EPB41L4B: variants seen among roughly 807,000 people sequenced by gnomAD.
EPB41L4B encodes band 4.1-like protein 4B.
EPB41L4B carries 30 observed loss-of-function variants against 112.5 expected under a neutral mutation model. The ratio of observed to expected loss-of-function variants is 0.27; its 90% CI spans 0.20 to 0.36. The LOEUF (loss-of-function observed/expected upper bound fraction) is 0.36. EPB41L4B is among the 10% of genes least tolerant of loss of function. The pLI is 1.00. For missense variants in EPB41L4B, 1,024 were observed against 1,133.3 expected (o/e 0.90, Z 1.38); for synonymous variants, 408 against 439.7 (o/e 0.93, Z 0.90).
rs1244172949 is a variant in EPB41L4B at position 109,228,220 on chromosome 9, A to G, written c.1410-11075T>C. Among the ~76,000 whole-genome samples the G allele has an allele frequency of 2.0e-5, 3 of 152,336 alleles. No individual in the cohort carries two copies. The East Asian group carries it at 5.8e-4, about 29-fold the overall frequency. Reference sequence around the variant, plus strand: ...ACAGTTCTTCCACTCTTAGCTTACTAAAAATCTTGAAAGATTAGCATGACT... The same window carrying G: ...ACAGTTCTTCCACTCTTAGCTTACTGAAAATCTTGAAAGATTAGCATGACT... On this transcript the variant is annotated intron_variant, in intron 15 of 25. Transcript: ENST00000374566.
chr9:109,186,199 CTT>C (rs374188259), intron 22 of EPB41L4B, among the ~76,000 whole-genome samples: 4 of 145,368 alleles, frequency 2.8e-5, no homozygotes, highest in African/African-American at 2.5e-5. Flanking sequence ...TTTCATTTCC[CTT>C]TTTTTTTTTT....
intron 11 of EPB41L4B, among the ~76,000 whole-genome samples, chr9:109,254,389 G>GC (rs1834904919): frequency 1.1e-5 from 1 of 92,360 alleles, no homozygotes; most frequent in African/African-American, 4.3e-5. Context: ...CCCCCACCCC[G>GC]CCCCCGACCC....
chr9:109,250,177 C>G (rs929742795), intron 13 of EPB41L4B, among the ~76,000 whole-genome samples: 1 of 152,178 alleles, frequency 6.6e-6, no homozygotes, highest in African/African-American at 2.4e-5. Flanking sequence ...TGGAAAAACA[C>G]TGATCTAGCC....
chr9:109,257,734 C>T (rs1412260210), intron 7 of EPB41L4B, among the ~76,000 whole-genome samples: 1 of 152,178 alleles, frequency 6.6e-6, no homozygotes, highest in Admixed American at 6.5e-5. Flanking sequence ...GTGGCTCCTG[C>T]CTGTAATCCC....
At chr9:109,245,609 T>C (rs1834524138) in intron 14 of EPB41L4B, among the ~76,000 whole-genome samples, 1 of 152,186 alleles carries the variant, frequency 6.6e-6, no homozygotes, top group Non-Finnish European at 1.5e-5. Flanking sequence ...CCTCCCCAAA[T>C]GCCAACAGCG....
intron 15 of EPB41L4B, among the ~76,000 whole-genome samples, chr9:109,218,898 T>C (rs1007292681): frequency 1.3e-5 from 2 of 152,216 alleles, no homozygotes; most frequent in African/African-American, 4.8e-5. Flanking sequence ...GCCCACTCTT[T>C]CACTCTGTCT....
chr9:109,179,942 A>G (rs892154392), intron 24 of EPB41L4B, among the ~76,000 whole-genome samples: 4 of 152,012 alleles, frequency 2.6e-5, no homozygotes, highest in African/African-American at 9.7e-5. Flanking sequence ...GATCCCTTCC[A>G]AGTGCATCTG....
At position 109,251,516 on chromosome 9, in the gene EPB41L4B, A is replaced by C. The variant is rs1834787824; in HGVS notation, c.1280-5T>G. 1 of 1,613,922 alleles carries C rather than the reference A, an allele frequency of 6.2e-7. No individual in the cohort carries two copies. The highest frequency in any genetic ancestry group is 8.5e-7 in the Non-Finnish European group (1 of 1,179,746). On this transcript the variant is annotated splice_polypyrimidine_tract_variant and splice_region_variant and intron_variant, in intron 12 of 25. Transcript: ENST00000374566. ...CTGCTATCACTGGGTTGCTTGCTAT[A>C]AAGGAAAAACAGAAAGTTATGACAT...
chr9:109,270,287 AT>A (rs767104756), intron 2 of EPB41L4B, among the ~76,000 whole-genome samples: 1 of 152,224 alleles, frequency 6.6e-6, no homozygotes, highest in Non-Finnish European at 1.5e-5. Context: ...ATTATTTTCT[AT>A]CTAGATACAT....
intron 2 of EPB41L4B, among the ~76,000 whole-genome samples, chr9:109,274,609 A>G (rs978273016): frequency 2.6e-5 from 4 of 152,220 alleles, no homozygotes; most frequent in African/African-American, 9.6e-5. Context: ...TCCAAGTCAA[A>G]GCTGGCTGAA....
At chr9:109,254,624 G>A (rs1023880102) in intron 11 of EPB41L4B, among the ~76,000 whole-genome samples, 1 of 152,204 alleles carries the variant, frequency 6.6e-6, no homozygotes, top group South Asian at 2.1e-4. Context: ...TTTTAAATGC[G>A]TACTGCCAGG....
intron 15 of EPB41L4B, among the ~76,000 whole-genome samples, chr9:109,220,825 G>A (rs892718748): frequency 2.0e-5 from 3 of 152,098 alleles, no homozygotes; most frequent in African/African-American, 7.2e-5. Flanking sequence ...AAGAAGGCAC[G>A]ATTTTGGCTT....
intron 15 of EPB41L4B, 72 bp from the exon 16 acceptor site, chr9:109,217,217 C>T (rs540045230): frequency 4.6e-5 from 64 of 1,390,238 alleles, no homozygotes; most frequent in Middle Eastern, 2.5e-4. Context: ...CTTTCAAAGA[C>T]GTTTTCTAGG....
chr9:109,208,635 A>C (rs569837501), intron 17 of EPB41L4B, among the ~76,000 whole-genome samples: 1 of 152,320 alleles, frequency 6.6e-6, no homozygotes, highest in South Asian at 2.1e-4. Flanking sequence ...TGATCCAGTT[A>C]AGGTGAATTA....
At chr9:109,225,561 A>G (rs372829296) in intron 15 of EPB41L4B, among the ~76,000 whole-genome samples, 5 of 152,312 alleles carry the variant, frequency 3.3e-5, no homozygotes, top group African/African-American at 1.2e-4. Context: ...GTAGGGGGGA[A>G]ACTTCCCCGA....
At chr9:109,308,206 G>C (rs749975507) in intron 1 of EPB41L4B, among the ~76,000 whole-genome samples, 1 of 152,032 alleles carries the variant, frequency 6.6e-6, no homozygotes, top group Non-Finnish European at 1.5e-5. Flanking sequence ...GACCCAAGCA[G>C]GAGTGAGCTA....
chr9:109,190,797 C>T (rs1832433873), intron 22 of EPB41L4B, among the ~76,000 whole-genome samples: 1 of 152,210 alleles, frequency 6.6e-6, no homozygotes, highest in African/African-American at 2.4e-5. Context: ...ATGTGAAGGA[C>T]TGGATGAGAT....
At chr9:109,215,213 A>G (rs561562142) in intron 16 of EPB41L4B, among the ~76,000 whole-genome samples, 1 of 152,288 alleles carries the variant, frequency 6.6e-6, no homozygotes, top group African/African-American at 2.4e-5. Context: ...AAAATAGAAG[A>G]TCAAAGAGGG....
At chr9:109,246,971 A>T (rs1225396593) in intron 14 of EPB41L4B, among the ~76,000 whole-genome samples, 2 of 152,142 alleles carry the variant, frequency 1.3e-5, no homozygotes, top group African/African-American at 4.8e-5. Context: ...CGTTTTTTTA[A>T]AAAAGATATG....
Sources: gnomAD v4.1 joint callset for allele counts (sites outside exome capture counted in the v4.1 genomes callset) on GRCh38, gnomAD v4.1.1 for gene constraint, MANE v1.5 for transcripts, NCBI Gene and HGNC (gene_info 2026-07-23, HGNC 2026-07-21) for gene names.